FLACC1: variants seen among roughly 807,000 people sequenced by gnomAD.
FLACC1 encodes flagellum-associated coiled-coil domain-containing protein 1.
In FLACC1, 66 loss-of-function variants were observed where a neutral mutation model predicts 62.8. That is an observed-to-expected ratio of 1.05 (90% CI 0.86 to 1.29). The LOEUF is 1.29. FLACC1 is among the 50% of genes most tolerant of loss of function. The pLI, the probability that FLACC1 is intolerant of heterozygous loss-of-function variation, is 0.00. For synonymous variants in FLACC1, 156 were observed against 161.0 expected (o/e 0.97, Z 0.24); for missense variants, 452 against 489.1 (o/e 0.92, Z 0.71).
At chr2:201,320,689 A>G (rs1218800679) in intron 9 of FLACC1, among the ~76,000 whole-genome samples, 1 of 152,202 alleles carries the variant, frequency 6.6e-6, no homozygotes, top group Non-Finnish European at 1.5e-5. Flanking sequence ...TGCCCTGCAC[A>G]GGGAGACTCA....
chr2:201,305,111 C>T (rs1415615170), intron 11 of FLACC1, among the ~76,000 whole-genome samples: 4 of 152,146 alleles, frequency 2.6e-5, no homozygotes, highest in Non-Finnish European at 5.9e-5. Context: ...AGAGCTTCTG[C>T]ACAGCGAAAG....
intron 13 of FLACC1, 54 bp from the exon 14 acceptor site, chr2:201,289,620 C>T: frequency 6.2e-7 from 1 of 1,612,610 alleles, no homozygotes; most frequent in Admixed American, 1.7e-5. Flanking sequence ...CCATCCAGGG[C>T]AGAGCTATAT....
rs138299867 is a variant in FLACC1, at chr2:201,335,401, T to G, written c.525-4568A>C. On this transcript the variant is annotated intron_variant, in intron 7 of 14. Transcript: ENST00000392257. ...TTGAGATCTCTGTTTTATCTACTTCTTTTAATTTGACTAAAAGCCATTTAT... is the reference window on the plus strand; with the variant it reads ...TTGAGATCTCTGTTTTATCTACTTCGTTTAATTTGACTAAAAGCCATTTAT... Among the ~76,000 whole-genome samples the G allele has an allele frequency of 1.8e-4, 28 of 152,310 alleles. 1 individual carries two copies. The highest frequency in any genetic ancestry group is 2.6e-4 in the Admixed American group (4 of 15,292).
chr2:201,304,371 C>T (rs1258621183), intron 11 of FLACC1, among the ~76,000 whole-genome samples: 1 of 152,100 alleles, frequency 6.6e-6, no homozygotes, highest in African/African-American at 2.4e-5. Flanking sequence ...ATCCAACTTA[C>T]AAGGGATGTG....
At chr2:201,336,776 G>A (rs1005856594) in intron 7 of FLACC1, among the ~76,000 whole-genome samples, 32 of 152,084 alleles carry the variant, frequency 2.1e-4, no homozygotes, top group African/African-American at 7.5e-4. Context: ...CAGTATATAA[G>A]AGTTCCCTTT....
intron 5 of FLACC1, among the ~76,000 whole-genome samples, chr2:201,345,559 G>GC (rs1950896660): frequency 6.6e-6 from 1 of 151,948 alleles, no homozygotes; most frequent in Admixed American, 6.6e-5. Context: ...AGCAAAATCA[G>GC]CCTGAGGGAA....
intron 9 of FLACC1, among the ~76,000 whole-genome samples, chr2:201,310,812 T>C (rs1950203532): frequency 6.6e-6 from 1 of 151,796 alleles, no homozygotes; most frequent in Non-Finnish European, 1.5e-5. Flanking sequence ...CTGAATGGAA[T>C]CAAAATTCAA....
chr2:201,324,523 C>T (rs1039487390), intron 9 of FLACC1, among the ~76,000 whole-genome samples: 7 of 152,264 alleles, frequency 4.6e-5, no homozygotes, highest in African/African-American at 1.4e-4. Context: ...CAGCTATTTA[C>T]AGAACATTCT....
chr2:201,344,327 G>A (rs528192111), intron 5 of FLACC1, 64 bp from the exon 6 acceptor site: 1 of 1,345,092 alleles, frequency 7.4e-7, no homozygotes, highest in Non-Finnish European at 1.1e-6. Flanking sequence ...TCAGGCCCCT[G>A]AGCATGACTG....
At chr2:201,315,307 T>C (rs1376242167) in intron 9 of FLACC1, among the ~76,000 whole-genome samples, 1 of 152,122 alleles carries the variant, frequency 6.6e-6, no homozygotes, top group Admixed American at 6.6e-5. Context: ...CTGCCTTCAG[T>C]TGACTCACCT....
chr2:201,356,789 G>A (rs191888577), intron 1 of FLACC1, among the ~76,000 whole-genome samples, 193 bp downstream of exon 1: 93 of 150,400 alleles, frequency 6.2e-4, no homozygotes, highest in Non-Finnish European at 4.4e-4. Flanking sequence ...TAATTATAGA[G>A]GGGTGTGTGA....
intron 9 of FLACC1, among the ~76,000 whole-genome samples, chr2:201,329,645 A>G (rs1162586924): frequency 4.6e-5 from 7 of 152,226 alleles, no homozygotes; most frequent in Non-Finnish European, 8.8e-5. Context: ...TCATAGAAAC[A>G]TGGATGGCTC....
intron 9 of FLACC1, among the ~76,000 whole-genome samples, chr2:201,328,808 A>C (rs1486815770): frequency 6.6e-6 from 1 of 152,242 alleles, no homozygotes; most frequent in African/African-American, 2.4e-5. Context: ...ATGGGCTGAA[A>C]ACCTATATTT....
intron 9 of FLACC1, among the ~76,000 whole-genome samples, chr2:201,309,905 CAAAAAAAA>C (rs1161849891): frequency 6.7e-5 from 3 of 44,670 alleles, no homozygotes; most frequent in Non-Finnish European, 1.1e-4. Flanking sequence ...GACTCTGTCT[CAAAAAAAA>C]AAAAAAAAAA....
intron 13 of FLACC1, 21 bp from the exon 14 acceptor site, chr2:201,289,587 T>G: frequency 6.2e-7 from 1 of 1,613,658 alleles, no homozygotes; most frequent in Non-Finnish European, 8.5e-7. Flanking sequence ...TACATTTTAA[T>G]AGCCATCTTC....
At chr2:201,311,050 T>A (rs1484177275) in intron 9 of FLACC1, among the ~76,000 whole-genome samples, 1 of 151,544 alleles carries the variant, frequency 6.6e-6, no homozygotes, top group African/African-American at 2.4e-5. Context: ...AGGAAATGGA[T>A]AAATTCCTGG....
intron 7 of FLACC1, among the ~76,000 whole-genome samples, chr2:201,341,158 T>C (rs1950799847): frequency 6.6e-6 from 1 of 152,152 alleles, no homozygotes; most frequent in Non-Finnish European, 1.5e-5. Context: ...TCATTTTTGC[T>C]GTAAACCTAA....
rs1453405408 is a variant in FLACC1 at position 201,300,785 on chromosome 2, C to T, written c.880-1485G>A. On this transcript the variant is annotated intron_variant, in intron 11 of 14. Transcript: ENST00000392257. ...TTCTGCAGTATCTGCAGTTCTACAGCCTCTCCTGGTGATACCCAGGCAAAC... is the reference window on the plus strand; with the variant it reads ...TTCTGCAGTATCTGCAGTTCTACAGTCTCTCCTGGTGATACCCAGGCAAAC... Among the ~76,000 whole-genome samples, 3 of 152,168 alleles carry T rather than the reference C, an allele frequency of 2.0e-5. No homozygotes were observed. In the East Asian group the frequency reaches 5.8e-4, roughly 29 times the overall value.
At chr2:201,320,525 T>C (rs996405887) in intron 9 of FLACC1, among the ~76,000 whole-genome samples, 2 of 152,250 alleles carry the variant, frequency 1.3e-5, no homozygotes, top group Non-Finnish European at 2.9e-5. Context: ...TCTTGCCAAG[T>C]GCATGGGATC....
Sources: allele counts gnomAD v4.1 joint callset (sites outside exome capture counted in the v4.1 genomes callset), GRCh38; gene constraint gnomAD v4.1.1; transcripts MANE v1.5; gene names NCBI Gene and HGNC (gene_info 2026-07-23, HGNC 2026-07-21).